The following ANOS1 variants were observed in gnomAD, a reference collection of about 807,000 sequenced individuals.
ANOS1 encodes the protein anosmin-1.
A neutral mutation model predicts 59.0 loss-of-function variants in ANOS1; 6 were observed. That is an observed-to-expected ratio of 0.10 (90% CI 0.06 to 0.20). The LOEUF is 0.20. ANOS1 is among the 10% of genes least tolerant of loss of function. The pLI is 1.00. For missense variants in ANOS1, 433 were observed against 542.3 expected, an observed-to-expected ratio of 0.80 and a Z score of 2.00; for synonymous variants, 217 against 223.4, an observed-to-expected ratio of 0.97 and a Z score of 0.25.
intron 1 of ANOS1, among the ~76,000 whole-genome samples, chrX:8,726,779 G>A (rs946931350): frequency 1.8e-5 from 2 of 112,211 alleles, no homozygotes; most frequent in African/African-American, 3.2e-5. Flanking sequence ...CATAGGGCAT[G>A]AAGTCACTCT....
intron 1 of ANOS1, among the ~76,000 whole-genome samples, chrX:8,701,783 G>C (rs1932757645): frequency 9.0e-6 from 1 of 111,468 alleles, no homozygotes. Flanking sequence ...TAACATATCT[G>C]AATATGTCCC....
At chrX:8,708,247 C>A (rs867202506) in intron 1 of ANOS1, among the ~76,000 whole-genome samples, 2 of 110,886 alleles carry the variant, frequency 1.8e-5, no homozygotes, top group South Asian at 7.7e-4. Context: ...AAACAAAAAA[C>A]TTTAGGGGGA....
intron 6 of ANOS1, among the ~76,000 whole-genome samples, chrX:8,572,955 T>C (rs1930257724): frequency 9.0e-6 from 1 of 110,828 alleles, no homozygotes; most frequent in Non-Finnish European, 1.9e-5. Flanking sequence ...GGCAGAGCCA[T>C]GTGAGGACTC....
chrX:8,598,016 T>A (rs1402231539), intron 3 of ANOS1, among the ~76,000 whole-genome samples: 1 of 111,704 alleles, frequency 9.0e-6, no homozygotes, highest in Non-Finnish European at 1.9e-5. Flanking sequence ...AGGAGCTCTA[T>A]AAAACTTTAC....
At chrX:8,708,179 A>G (rs1932790568) in intron 1 of ANOS1, among the ~76,000 whole-genome samples, 1 of 112,427 alleles carries the variant, frequency 8.9e-6, no homozygotes, top group African/African-American at 3.2e-5. Context: ...AGCTGAGATC[A>G]CACCACTGCA....
intron 9 of ANOS1, among the ~76,000 whole-genome samples, chrX:8,552,974 C>G (rs1362430140): frequency 1.8e-5 from 2 of 108,612 alleles, no homozygotes; most frequent in African/African-American, 6.7e-5. Flanking sequence ...AAAGAAAATC[C>G]TGGAATAGGA....
chrX:8,705,654 T>TA (rs1288605229), intron 1 of ANOS1, among the ~76,000 whole-genome samples: 2 of 111,782 alleles, frequency 1.8e-5, no homozygotes, highest in African/African-American at 3.3e-5. Context: ...AGAAGAGCAA[T>TA]AAAAAAATAC....
chrX:8,695,450 A>C (rs949083795), intron 2 of ANOS1, among the ~76,000 whole-genome samples: 2 of 112,154 alleles, frequency 1.8e-5, no homozygotes, highest in East Asian at 5.6e-4. Context: ...TCAACATAAA[A>C]AATAAAGAAA....
At chrX:8,694,535 G>T (rs984726687) in intron 2 of ANOS1, among the ~76,000 whole-genome samples, 8 of 111,788 alleles carry the variant, frequency 7.2e-5, no homozygotes, top group Non-Finnish European at 1.5e-4. Flanking sequence ...CAGGCATGGT[G>T]GGGGGTACCT....
intron 6 of ANOS1, 121 bp downstream of exon 6, chrX:8,585,146 A>G: frequency 1.2e-6 from 1 of 847,269 alleles, no homozygotes; most frequent in Non-Finnish European, 1.7e-6. Context: ...CCATTCTCTA[A>G]AACAGCAAAG....
chrX:8,659,229 T>TTA (rs749352366), intron 2 of ANOS1, among the ~76,000 whole-genome samples: 2 of 95,553 alleles, frequency 2.1e-5, no homozygotes, highest in East Asian at 6.9e-4. Context: ...TCTGTCTCAA[T>TTA]AAAAAAAAAA....
chrX:8,594,697 T>TATATATATATAC (rs1247233512), intron 4 of ANOS1, among the ~76,000 whole-genome samples: 7 of 18,551 alleles, frequency 3.8e-4, no homozygotes, highest in Non-Finnish European at 6.1e-4. Context: ...TATATATATA[T>TATATATATATAC]ACACATATAT....
chrX:8,547,389 G>A (rs968526769), intron 9 of ANOS1, among the ~76,000 whole-genome samples: 2 of 111,520 alleles, frequency 1.8e-5, no homozygotes, highest in African/African-American at 6.5e-5. Context: ...CATCTTCCCT[G>A]GCCAAAAAAA....
chrX:8,700,058 G>A (rs1013544755), intron 1 of ANOS1, among the ~76,000 whole-genome samples: 7 of 112,102 alleles, frequency 6.2e-5, no homozygotes, highest in African/African-American at 1.9e-4. Context: ...AACACTAGAC[G>A]TTCCGCCAAT....
chrX:8,679,051 A>G (rs1015187107), intron 2 of ANOS1, among the ~76,000 whole-genome samples: 1 of 111,667 alleles, frequency 9.0e-6, no homozygotes, highest in Non-Finnish European at 1.9e-5. Context: ...CAAAGAGAGC[A>G]AAGTAAACAA....
intron 2 of ANOS1, among the ~76,000 whole-genome samples, chrX:8,650,695 G>A (rs1344759311): frequency 4.5e-5 from 5 of 111,713 alleles, no homozygotes; most frequent in Non-Finnish European, 9.4e-5. Flanking sequence ...TCCAGTCCAG[G>A]CAACAGAGTG....
chrX:8,531,166 A>G lies in ANOS1; in HGVS notation c.*1829T>C, dbSNP rs962149350. On this transcript the variant is annotated 3_prime_UTR_variant, in exon 14 of 14. Transcript: ENST00000262648. ...GTACAAAGCTGCAAAACATTCCTGG[A>G]ATATCCACTTTTTAAATATTTTAAC... 1 of 110,067 alleles carries G rather than the reference A, an allele frequency of 9.1e-6. No individual in the cohort carries two copies. Among genetic ancestry groups the G allele is most frequent in the Non-Finnish European group, 1.9e-5 (1 of 52,785 alleles). The allele number at this position is 110,067 out of a possible 1,213,427, so 9.1% of individuals were successfully genotyped here.
chrX:8,535,507 G>A (rs779662487), intron 12 of ANOS1, 84 bp downstream of exon 12: 16 of 712,863 alleles, frequency 2.2e-5, no homozygotes, highest in Non-Finnish European at 3.1e-5. Flanking sequence ...CACACAGAAT[G>A]ACAGAGGTAG....
At chrX:8,619,900 G>A (rs775645551) in intron 3 of ANOS1, among the ~76,000 whole-genome samples, 7 of 112,230 alleles carry the variant, frequency 6.2e-5, no homozygotes, top group Non-Finnish European at 1.3e-4. Context: ...ATGGTAAGAT[G>A]AGTTTTGTAA....
Sources: allele counts gnomAD v4.1 joint callset (sites outside exome capture counted in the v4.1 genomes callset), GRCh38; gene constraint gnomAD v4.1.1; transcripts MANE v1.5; gene names NCBI Gene and HGNC (gene_info 2026-07-23, HGNC 2026-07-21).